RAB1A: variants seen among roughly 807,000 people sequenced by gnomAD.
The protein encoded by RAB1A is ras-related protein Rab-1A.
Under a neutral mutation model 26.0 loss-of-function variants are expected in RAB1A, and 2 were observed. That is an observed-to-expected ratio of 0.08 (90% CI 0.03 to 0.24). The LOEUF (loss-of-function observed/expected upper bound fraction) is 0.24, where lower values mean the gene tolerates loss of function less well. Ranked by LOEUF, RAB1A falls within the 10% of genes least tolerant of loss-of-function variation. RAB1A has a pLI of 1.00. For synonymous variants in RAB1A, 84 were observed against 84.9 expected, an observed-to-expected ratio of 0.99 and a Z score of 0.06; for missense variants, 100 against 247.0, an observed-to-expected ratio of 0.40 and a Z score of 3.99.
intron 2 of RAB1A, among the ~76,000 whole-genome samples, chr2:65,099,189 C>G (rs552164802): frequency 1.2e-3 from 176 of 150,646 alleles, no homozygotes; most frequent in Non-Finnish European, 1.8e-3. Context: ...AACATTTTAT[C>G]CATTCATAAA....
intron 1 of RAB1A, among the ~76,000 whole-genome samples, chr2:65,108,145 T>C (rs569116082): frequency 1.7e-4 from 26 of 151,442 alleles, no homozygotes; most frequent in African/African-American, 6.3e-4. Context: ...GTGGATCACC[T>C]GAGTTCAGGA....
intron 3 of RAB1A, among the ~76,000 whole-genome samples, chr2:65,091,401 G>T (rs1035975708): frequency 6.6e-6 from 1 of 152,144 alleles, no homozygotes; most frequent in African/African-American, 2.4e-5. Flanking sequence ...GAAAGCCCTT[G>T]AACACAGAAC....
intron 2 of RAB1A, among the ~76,000 whole-genome samples, chr2:65,101,742 CTTTTTTTT>C (rs71401771): frequency 2.8e-5 from 2 of 70,662 alleles, no homozygotes; most frequent in African/African-American, 6.8e-5. Context: ...GTATTACTTC[CTTTTTTTT>C]TTTTTTTTTT....
At chr2:65,127,413 A>G (rs1023934123) in intron 1 of RAB1A, among the ~76,000 whole-genome samples, 5 of 152,202 alleles carry the variant, frequency 3.3e-5, no homozygotes, top group Admixed American at 1.3e-4. Flanking sequence ...GGAATTTGCT[A>G]TATCTACTGG....
intron 1 of RAB1A, among the ~76,000 whole-genome samples, chr2:65,127,146 T>C (rs988982395): frequency 6.6e-6 from 1 of 152,214 alleles, no homozygotes; most frequent in African/African-American, 2.4e-5. Context: ...TTTGATCCCT[T>C]TGAGGTCATT....
chr2:65,087,882 T>G lies in RAB1A; in HGVS notation c.*611A>C, dbSNP rs1389111662. The G allele has an allele frequency of 6.5e-6, 1 of 152,700 alleles. No homozygotes were observed. Among genetic ancestry groups the G allele is most frequent in the Non-Finnish European group, 1.5e-5 (1 of 68,056 alleles). The allele number at this position is 152,700 out of a possible 1,614,324, so 9.5% of individuals were successfully genotyped here. A position where few individuals can be genotyped will look rare whatever the true frequency, so the allele number is the denominator to read the frequency against. On this transcript the variant is annotated 3_prime_UTR_variant, in exon 6 of 6. Coordinates refer to ENST00000409784, the MANE Select transcript of RAB1A (RefSeq NM_004161.5). ...TTATCACCATACAGTTTGATATTACTTCCAATAAGTACAATATTTATTAAA... is the reference window on the plus strand; with the variant it reads ...TTATCACCATACAGTTTGATATTACGTCCAATAAGTACAATATTTATTAAA...
Position 65,130,076 on chromosome 2 carries a change from C to G in RAB1A, c.-161G>C. 9.8e-6 allele frequency: 8 copies of G among 816,892 alleles called. No homozygotes were observed. The highest frequency in any genetic ancestry group is 1.6e-5 in the Non-Finnish European group (8 of 497,210). 50.6% of individuals were successfully genotyped at this position (816,892 alleles called of 1,614,324 possible). A position where few individuals can be genotyped will look rare whatever the true frequency, so the allele number is the denominator to read the frequency against. On this transcript the variant is annotated 5_prime_UTR_variant, in exon 1 of 6. Transcript: ENST00000409784. Reference sequence around the variant, plus strand: ...TCCCCTAGAACACAATCAGCAGCCGCCGCCACTCAGCTATCGCTTCCACCC... The same window carrying G: ...TCCCCTAGAACACAATCAGCAGCCGGCGCCACTCAGCTATCGCTTCCACCC...
intron 1 of RAB1A, among the ~76,000 whole-genome samples, chr2:65,126,786 G>A (rs1465321284): frequency 6.6e-6 from 1 of 152,186 alleles, no homozygotes; most frequent in Non-Finnish European, 1.5e-5. Context: ...GGAACAAGAT[G>A]TTAAAAACGA....
In RAB1A at chr2:65,103,299, C is replaced by CAAAAAAAAAAAAAAAAAAA. The variant is rs1201745425; in HGVS notation, c.96+1434_96+1435insTTTTTTTTTTTTTTTTTTT. Reference sequence around the variant, plus strand: ...TTGGCAACACAGCCAGAATCTGTCTCAAAAAAAAAAAAAAACATTGTTTTA... The same window carrying CAAAAAAAAAAAAAAAAAAA: ...TTGGCAACACAGCCAGAATCTGTCTCAAAAAAAAAAAAAAAAAAAAAAAAAAAAAAAAAACATTGTTTTA... On this transcript the variant is annotated intron_variant, in intron 2 of 5. Transcript: ENST00000409784. Among the ~76,000 whole-genome samples the CAAAAAAAAAAAAAAAAAAA allele has an allele frequency of 2.7e-3, 120 of 44,064 alleles. 3 individuals are homozygous for CAAAAAAAAAAAAAAAAAAA. The highest frequency in any genetic ancestry group is 0.014 in the Middle Eastern group (1 of 72). 28.9% of individuals were successfully genotyped at this position (44,064 alleles called of 152,430 possible). A position where few individuals can be genotyped will look rare whatever the true frequency, so the allele number is the denominator to read the frequency against.
chr2:65,129,790 A>G, intron 1 of RAB1A, 103 bp downstream of exon 1: 1 of 1,517,336 alleles, frequency 6.6e-7, no homozygotes. Flanking sequence ...CCCTCGCCTC[A>G]CCCCAGCCGA....
intron 1 of RAB1A, among the ~76,000 whole-genome samples, chr2:65,122,653 T>C (rs1446468986): frequency 6.6e-6 from 1 of 152,056 alleles, no homozygotes; most frequent in Non-Finnish European, 1.5e-5. Context: ...CATGTTCATA[T>C]ATTAGGAAAG....
At chr2:65,118,941 C>G (rs530688137) in intron 1 of RAB1A, among the ~76,000 whole-genome samples, 1 of 151,954 alleles carries the variant, frequency 6.6e-6, no homozygotes, top group Non-Finnish European at 1.5e-5. Context: ...GTAATCCCAG[C>G]ACGTTGGGAG....
chr2:65,114,864 CAAAAA>C (rs35748219), intron 1 of RAB1A, among the ~76,000 whole-genome samples: 1 of 146,796 alleles, frequency 6.8e-6, no homozygotes, highest in Non-Finnish European at 1.5e-5. Context: ...AAAAAAAAAA[CAAAAA>C]AAAAACCAGT....
At chr2:65,118,853 T>C (rs1241302491) in intron 1 of RAB1A, among the ~76,000 whole-genome samples, 5 of 152,202 alleles carry the variant, frequency 3.3e-5, no homozygotes, top group Admixed American at 2.6e-4. Flanking sequence ...TATATGTATA[T>C]ACAACCACAA....
intron 3 of RAB1A, 144 bp from the exon 4 acceptor site, chr2:65,091,222 C>G: frequency 1.7e-6 from 1 of 591,232 alleles, no homozygotes; most frequent in Non-Finnish European, 3.0e-6. Context: ...TCAACTCATA[C>G]CACTAAATTG....
chr2:65,124,156 T>C (rs778412581), intron 1 of RAB1A, among the ~76,000 whole-genome samples: 2 of 152,090 alleles, frequency 1.3e-5, no homozygotes, highest in Non-Finnish European at 2.9e-5. Flanking sequence ...CCTAGCTAAT[T>C]TGGTGTTTTT....
At chr2:65,109,167 A>G (rs1343482865) in intron 1 of RAB1A, among the ~76,000 whole-genome samples, 1 of 152,234 alleles carries the variant, frequency 6.6e-6, no homozygotes, top group Non-Finnish European at 1.5e-5. Flanking sequence ...GTTTGCTTTA[A>G]AACGTTTTTA....
Position 65,129,974 on chromosome 2 carries a change from C to A in RAB1A, c.-59G>T. ...CTTGCTGCCGCAGCCGCCGCCCTGA[C>A]TCTCCGCGCCACGGGTAATCGAAAG... On this transcript the variant is annotated 5_prime_UTR_variant, in exon 1 of 6. Transcript: ENST00000409784. 1 of 1,543,636 alleles carries A rather than the reference C, an allele frequency of 6.5e-7. No homozygotes were observed. Among genetic ancestry groups the A allele is most frequent in the Non-Finnish European group, 8.8e-7 (1 of 1,137,184 alleles).
At chr2:65,123,416 C>A (rs1008595214) in intron 1 of RAB1A, among the ~76,000 whole-genome samples, 2 of 151,956 alleles carry the variant, frequency 1.3e-5, no homozygotes, top group Admixed American at 1.3e-4. Flanking sequence ...GATTCGCCCA[C>A]CTCGGCCTCC....
Sources: gnomAD v4.1 joint callset for allele counts (sites outside exome capture counted in the v4.1 genomes callset) on GRCh38, gnomAD v4.1.1 for gene constraint, MANE v1.5 for transcripts, NCBI Gene and HGNC (gene_info 2026-07-23, HGNC 2026-07-21) for gene names.